Variants in IGFBP7 observed in about 807,000 individuals in gnomAD.
IGFBP7 encodes insulin like growth factor binding protein 7.
A neutral mutation model predicts 29.4 loss-of-function variants in IGFBP7; 31 were observed. The observed-to-expected ratio is 1.05, with a 90% confidence interval of 0.79 to 1.42. The LOEUF (loss-of-function observed/expected upper bound fraction) is 1.42. IGFBP7 is among the 40% of genes most tolerant of loss of function. The pLI is 0.00. For synonymous variants in IGFBP7, 172 were observed against 174.9 expected, an observed-to-expected ratio of 0.98 and a Z score of 0.13; for missense variants, 393 against 395.5, an observed-to-expected ratio of 0.99 and a Z score of 0.05.
At chr4:57,108,533 A>T (rs1301330468) in intron 1 of IGFBP7, among the ~76,000 whole-genome samples, 1 of 70,564 alleles carries the variant, frequency 1.4e-5, no homozygotes, top group African/African-American at 5.0e-5. Context: ...TCCAGACTTT[A>T]TTTTCTTCTT....
At chr4:57,057,750 C>G (rs904376357) in intron 1 of IGFBP7, among the ~76,000 whole-genome samples, 1 of 152,142 alleles carries the variant, frequency 6.6e-6, no homozygotes, top group African/African-American at 2.4e-5. Flanking sequence ...CTGAACTTGG[C>G]TAAGGCAGCA....
intron 1 of IGFBP7, among the ~76,000 whole-genome samples, chr4:57,102,242 C>CG (rs1725916599): frequency 6.6e-6 from 1 of 152,110 alleles, no homozygotes; most frequent in Non-Finnish European, 1.5e-5. Flanking sequence ...CCTTATAAGG[C>CG]GGTTTCTTCT....
At chr4:57,084,894 T>C (rs1371482707) in intron 1 of IGFBP7, among the ~76,000 whole-genome samples, 1 of 147,094 alleles carries the variant, frequency 6.8e-6, no homozygotes, top group Non-Finnish European at 1.5e-5. Context: ...GGGCTCAGTT[T>C]GTCCTACCAC....
chr4:57,058,066 A>T (rs1724714834), intron 1 of IGFBP7, among the ~76,000 whole-genome samples: 1 of 152,218 alleles, frequency 6.6e-6, no homozygotes, highest in Non-Finnish European at 1.5e-5. Context: ...GAGAGAGAAG[A>T]TTAATCCCAT....
intron 1 of IGFBP7, among the ~76,000 whole-genome samples, chr4:57,103,243 T>C (rs761491322): frequency 9.1e-4 from 139 of 152,214 alleles, no homozygotes; most frequent in Non-Finnish European, 1.7e-3. Context: ...CAATCCATTC[T>C]CCCAACAGCA....
rs375413278 is a variant in IGFBP7 at position 57,077,231 on chromosome 4, G to A, written c.475+32646C>T. Among the ~76,000 whole-genome samples the A allele has an allele frequency of 2.4e-4, 37 of 152,244 alleles. No individual in the cohort carries two copies. The South Asian group carries it at 3.7e-3, about 15-fold the overall frequency. ...ATTCACTTCTATGAGACCACAGAACGCATCCAAACAGTCCTCCTTTTATAG... is the reference window on the plus strand; with the variant it reads ...ATTCACTTCTATGAGACCACAGAACACATCCAAACAGTCCTCCTTTTATAG... On this transcript the variant is annotated intron_variant, in intron 1 of 4. Transcript: ENST00000295666.
chr4:57,072,595 C>A (rs1480945824), intron 1 of IGFBP7: 6 of 268,510 alleles, frequency 2.2e-5, no homozygotes, highest in Admixed American at 9.5e-5. Flanking sequence ...GTCAGTGCCA[C>A]CTAGATGGCC....
chr4:57,050,911 C>T (rs770533367), intron 1 of IGFBP7, among the ~76,000 whole-genome samples: 3 of 151,962 alleles, frequency 2.0e-5, no homozygotes, highest in East Asian at 1.9e-4. Flanking sequence ...GGGACTTCTC[C>T]GAGTTATGAT....
At chr4:57,093,668 T>C (rs1725691527) in intron 1 of IGFBP7, among the ~76,000 whole-genome samples, 2 of 152,168 alleles carry the variant, frequency 1.3e-5, no homozygotes, top group Non-Finnish European at 2.9e-5. Context: ...TGAAGTGAAT[T>C]TACTGCATAT....
intron 4 of IGFBP7, chr4:57,032,146 G>T: frequency 2.0e-6 from 1 of 494,098 alleles, no homozygotes; most frequent in Non-Finnish European, 3.1e-6. Context: ...TAGGTAGAAA[G>T]CTATGGGAAA....
intron 1 of IGFBP7, among the ~76,000 whole-genome samples, chr4:57,103,538 A>G (rs1313273886): frequency 6.6e-6 from 1 of 152,098 alleles, no homozygotes; most frequent in African/African-American, 2.4e-5. Context: ...ATGCATGTAG[A>G]CATTTTGGAA....
intron 1 of IGFBP7, among the ~76,000 whole-genome samples, chr4:57,085,296 A>G (rs1269679467): frequency 6.6e-6 from 1 of 150,720 alleles, no homozygotes; most frequent in Non-Finnish European, 1.5e-5. Context: ...TTCTTCAGTG[A>G]CTCCTGTTAT....
intron 1 of IGFBP7, among the ~76,000 whole-genome samples, chr4:57,071,856 C>T (rs1725059482): frequency 6.6e-6 from 1 of 152,054 alleles, no homozygotes; most frequent in Admixed American, 6.6e-5. Context: ...ATGTCCTAGG[C>T]TTGGTGCAGT....
chr4:57,032,175 A>C, intron 4 of IGFBP7: 1 of 858,360 alleles, frequency 1.2e-6, no homozygotes, highest in Non-Finnish European at 1.6e-6. Context: ...ATTCCAGGCA[A>C]GTTTGATTTT....
chr4:57,092,113 TC>T (rs1312676639), intron 1 of IGFBP7, among the ~76,000 whole-genome samples: 4 of 152,116 alleles, frequency 2.6e-5, no homozygotes, highest in African/African-American at 9.7e-5. Context: ...AGACAAAACC[TC>T]CAAATTTCAC....
intron 1 of IGFBP7, among the ~76,000 whole-genome samples, chr4:57,082,478 G>T (rs994746116): frequency 9.2e-5 from 14 of 152,148 alleles, no homozygotes; most frequent in Non-Finnish European, 1.0e-4. Context: ...AATCATTCTA[G>T]ATCTATGAGT....
At chr4:57,078,638 T>G (rs1219346703) in intron 1 of IGFBP7, among the ~76,000 whole-genome samples, 1 of 152,186 alleles carries the variant, frequency 6.6e-6, no homozygotes, top group Non-Finnish European at 1.5e-5. Flanking sequence ...TTACCCTTGA[T>G]GGGCCAGTGA....
At chr4:57,069,604 C>A (rs1725009731) in intron 1 of IGFBP7, among the ~76,000 whole-genome samples, 1 of 151,930 alleles carries the variant, frequency 6.6e-6, no homozygotes, top group Admixed American at 6.6e-5. Flanking sequence ...TTTGAGGCTT[C>A]AGTGAGCCAT....
intron 2 of IGFBP7, among the ~76,000 whole-genome samples, chr4:57,039,005 C>T (rs1315813050): frequency 1.5e-5 from 2 of 133,920 alleles, no homozygotes; most frequent in East Asian, 2.5e-4. Context: ...GGCGAGGTTG[C>T]GGTGAGCCGA....
Sources: gnomAD v4.1 joint callset for allele counts (sites outside exome capture counted in the v4.1 genomes callset) on GRCh38, gnomAD v4.1.1 for gene constraint, MANE v1.5 for transcripts, NCBI Gene and HGNC (gene_info 2026-07-23, HGNC 2026-07-21) for gene names.